Variants in ADGRB3 observed in about 807,000 individuals in gnomAD.
ADGRB3 encodes adhesion G protein-coupled receptor B3.
A neutral mutation model predicts 193.4 loss-of-function variants in ADGRB3; 37 were observed. The observed-to-expected ratio is 0.19, with a 90% CI of 0.15 to 0.25. The LOEUF (loss-of-function observed/expected upper bound fraction) is 0.25. Among genes scored for constraint, ADGRB3 ranks in the 10% least tolerant of loss-of-function variants. ADGRB3 has a pLI of 1.00. For missense variants in ADGRB3, 1,637 were observed against 1,852.9 expected (o/e 0.88, Z 2.14); for synonymous variants, 690 against 644.2 (o/e 1.07, Z -1.08).
At chr6:69,015,790 G>A (rs1245290619) in intron 12 of ADGRB3, among the ~76,000 whole-genome samples, 1 of 151,570 alleles carries the variant, frequency 6.6e-6, no homozygotes, top group Non-Finnish European at 1.5e-5. Flanking sequence ...CAGTTATGAA[G>A]GATAAAACTA....
intron 13 of ADGRB3, among the ~76,000 whole-genome samples, chr6:69,041,663 G>A (rs1771075275): frequency 6.6e-6 from 1 of 151,964 alleles, no homozygotes; most frequent in Admixed American, 6.6e-5. Flanking sequence ...CCAGGCTGGA[G>A]AGCAGTAGTA....
chr6:68,843,524 A>AC (rs952530007), intron 3 of ADGRB3, among the ~76,000 whole-genome samples: 3 of 152,118 alleles, frequency 2.0e-5, no homozygotes, highest in African/African-American at 7.2e-5. Flanking sequence ...ATTGAAGATG[A>AC]CCCTAACAAA....
At chr6:68,875,512 A>T (rs1765574210) in intron 3 of ADGRB3, among the ~76,000 whole-genome samples, 2 of 151,966 alleles carry the variant, frequency 1.3e-5, no homozygotes, top group South Asian at 4.2e-4. Context: ...TATAAGAAAT[A>T]GTTTAAATTT....
At chr6:68,724,441 T>A (rs959499508) in intron 3 of ADGRB3, among the ~76,000 whole-genome samples, 5 of 151,696 alleles carry the variant, frequency 3.3e-5, no homozygotes, top group Non-Finnish European at 7.4e-5. Flanking sequence ...AAGTTCTAAT[T>A]TAATAAATTA....
chr6:68,737,128 C>T (rs1418370885), intron 3 of ADGRB3, among the ~76,000 whole-genome samples: 4 of 152,046 alleles, frequency 2.6e-5, no homozygotes, highest in Non-Finnish European at 5.9e-5. Context: ...TAAATGTTTT[C>T]ATGCTTAAAT....
intron 3 of ADGRB3, among the ~76,000 whole-genome samples, chr6:68,857,642 G>C (rs896527165): frequency 6.6e-6 from 1 of 152,294 alleles, no homozygotes; most frequent in South Asian, 2.1e-4. Flanking sequence ...CAGACTCATA[G>C]GCAGAAGGGA....
At chr6:68,657,252 C>T (rs530614786) in intron 3 of ADGRB3, among the ~76,000 whole-genome samples, 1 of 151,230 alleles carries the variant, frequency 6.6e-6, no homozygotes, top group African/African-American at 2.4e-5. Context: ...GTGCTAAAAA[C>T]AAAAATGGTC....
At chr6:68,819,238 A>G (rs894963689) in intron 3 of ADGRB3, among the ~76,000 whole-genome samples, 2 of 151,888 alleles carry the variant, frequency 1.3e-5, no homozygotes, top group South Asian at 4.1e-4. Flanking sequence ...TTTTCACTCC[A>G]TTGAAACTGC....
intron 3 of ADGRB3, among the ~76,000 whole-genome samples, chr6:68,712,388 GT>G (rs1765421428): frequency 6.6e-6 from 1 of 151,946 alleles, no homozygotes; most frequent in Non-Finnish European, 1.5e-5. Flanking sequence ...CATTTTAATA[GT>G]TTTGCTTCTA....
At chr6:69,030,961 C>CTTTTCTTTTCTTTTCTT (rs1770632929) in intron 13 of ADGRB3, among the ~76,000 whole-genome samples, 3 of 97,152 alleles carry the variant, frequency 3.1e-5, no homozygotes, top group African/African-American at 4.5e-5. Context: ...TTCTTTTTTT[C>CTTTTCTTTTCTTTTCTT]TTTTCTTTTC....
chr6:69,250,123 T>A (rs1214292732), intron 20 of ADGRB3, among the ~76,000 whole-genome samples: 2 of 152,190 alleles, frequency 1.3e-5, no homozygotes, highest in African/African-American at 4.8e-5. Context: ...CATATATCTC[T>A]ATAGATGTGT....
At chr6:69,057,994 G>T (rs1771596456) in intron 15 of ADGRB3, among the ~76,000 whole-genome samples, 1 of 151,778 alleles carries the variant, frequency 6.6e-6, no homozygotes, top group South Asian at 2.1e-4. Context: ...TTTTTTGGAA[G>T]ACTTTGAGAA....
At chr6:69,346,375 G>C (rs918604146) in intron 26 of ADGRB3, among the ~76,000 whole-genome samples, 7 of 152,102 alleles carry the variant, frequency 4.6e-5, no homozygotes, top group African/African-American at 1.4e-4. Flanking sequence ...GCATGGTACT[G>C]GTACCAAAAC....
At chr6:68,808,387 A>T (rs537550029) in intron 3 of ADGRB3, among the ~76,000 whole-genome samples, 1 of 151,822 alleles carries the variant, frequency 6.6e-6, no homozygotes, top group Non-Finnish European at 1.5e-5. Flanking sequence ...CTTTACTCCA[A>T]TAAGAAGGGG....
At chr6:68,800,176 C>G (rs1562034827) in intron 3 of ADGRB3, among the ~76,000 whole-genome samples, 1 of 152,012 alleles carries the variant, frequency 6.6e-6, no homozygotes, top group East Asian at 1.9e-4. Flanking sequence ...CAGTATATAT[C>G]TCACTATACA....
chr6:69,108,332 A>G (rs1213080161), intron 17 of ADGRB3, among the ~76,000 whole-genome samples: 1 of 152,058 alleles, frequency 6.6e-6, no homozygotes, highest in South Asian at 2.1e-4. Flanking sequence ...TATGGAATCA[A>G]ATAAACTTGA....
intron 16 of ADGRB3, among the ~76,000 whole-genome samples, chr6:69,069,088 T>C (rs943210180): frequency 6.6e-6 from 1 of 152,178 alleles, no homozygotes; most frequent in African/African-American, 2.4e-5. Flanking sequence ...ACACAGCAGC[T>C]GTCCCTTAAA....
At chr6:69,352,703 GCTACTAATGA>G (rs1769252327) in intron 26 of ADGRB3, among the ~76,000 whole-genome samples, 1 of 152,138 alleles carries the variant, frequency 6.6e-6, no homozygotes, top group Non-Finnish European at 1.5e-5. Flanking sequence ...TAGGAGAGAG[GCTACTAATGA>G]CTATGAAATG....
chr6:68,868,406 A>C (rs1434277456), intron 3 of ADGRB3, among the ~76,000 whole-genome samples: 1 of 152,176 alleles, frequency 6.6e-6, no homozygotes, highest in East Asian at 1.9e-4. Flanking sequence ...TCTTTTCTTT[A>C]TACATTACCC....
Sources: allele counts gnomAD v4.1 joint callset (sites outside exome capture counted in the v4.1 genomes callset), GRCh38; gene constraint gnomAD v4.1.1; transcripts MANE v1.5; gene names NCBI Gene and HGNC (gene_info 2026-07-23, HGNC 2026-07-21).